TSR1: variants seen among roughly 807,000 people sequenced by gnomAD.
The protein encoded by TSR1 is pre-rRNA-processing protein TSR1 homolog.
Under a neutral mutation model 90.9 loss-of-function variants are expected in TSR1, and 81 were observed. The ratio of observed to expected loss-of-function variants is 0.89; its 90% confidence interval spans 0.74 to 1.07. The LOEUF (loss-of-function observed/expected upper bound fraction) is 1.07. TSR1 is among the 50% of genes least tolerant of loss of function. The pLI, the probability that TSR1 is intolerant of heterozygous loss-of-function variation, is 0.00. For missense variants in TSR1, 989 were observed against 987.3 expected (o/e 1.00, Z -0.02); for synonymous variants, 362 against 348.8 (o/e 1.04, Z -0.42).
chr17:2,335,835 C>A, intron 2 of TSR1, 105 bp from the exon 3 acceptor site: 1 of 1,381,552 alleles, frequency 7.2e-7, no homozygotes, highest in South Asian at 1.3e-5. Flanking sequence ...ACCAGCATCT[C>A]TCTAGTAAAA....
intron 5 of TSR1, among the ~76,000 whole-genome samples, chr17:2,334,058 C>T (rs536175637): frequency 6.6e-6 from 1 of 152,154 alleles, no homozygotes; most frequent in South Asian, 2.1e-4. Flanking sequence ...TTCTTTTATC[C>T]CTCTTCAACT....
In TSR1 at chr17:2,335,557, C is replaced by T. The variant is rs1424048557; in HGVS notation, c.375G>A (p.Leu125=). The T allele has an allele frequency of 3.7e-6, 6 of 1,613,978 alleles. No homozygotes were observed. Among genetic ancestry groups the T allele is most frequent in the African/African-American group, 1.3e-5 (1 of 74,874 alleles). The change falls in exon 3 of 15, where the codon CTG becomes CTA. Residue 125 remains leucine, a synonymous_variant. Transcript: ENST00000301364. ...ELGNTQNFML[L]CPRLKHRWFF... ...ACCACCGATGTTTCAAGCGGGGGCA[C>T]AGCAGCATAAAGTTCTGGGTGTTTC...
chr17:2,334,969 A>G, intron 4 of TSR1, 73 bp from the exon 5 acceptor site: 1 of 1,485,844 alleles, frequency 6.7e-7, no homozygotes, highest in Non-Finnish European at 9.0e-7. Flanking sequence ...GTTCACAAAC[A>G]ACCTAATAGC....
chr17:2,326,272 A>G (rs1383170761), intron 11 of TSR1, among the ~76,000 whole-genome samples: 1 of 152,116 alleles, frequency 6.6e-6, no homozygotes, highest in African/African-American at 2.4e-5. Context: ...TATCCAAAAC[A>G]CCATTAATAC....
rs1457631726 is a variant in TSR1, at chr17:2,330,614, A to G, written c.1671T>C (p.Tyr557=). The G allele has an allele frequency of 7.4e-6, 12 of 1,613,882 alleles. No homozygotes were observed. Among genetic ancestry groups the G allele is most frequent in the Non-Finnish European group, 9.3e-6 (11 of 1,179,974 alleles). ...GGACTTCAGAGACATGAAGTGTGAC[A>G]TACCAGCCAACCTGCCACAAGAAAG... is the stretch of plus-strand genomic sequence containing the variant. ...KEVEGAEVGW[Y]VTLHVSEVPV... is the part of the protein sequence containing the mutation. Residue 557 remains tyrosine, a synonymous_variant, in exon 10 of 15, where the codon TAT becomes TAC. Transcript: ENST00000301364.
In TSR1 at chr17:2,324,755, GAAC is replaced by G; in HGVS notation, c.2092_2094del (p.Val698del). On this transcript the variant is annotated inframe_deletion, in exon 13 of 15. Transcript: ENST00000301364. The stretch of plus-strand genomic sequence containing the variant: ...AAAATTTTGAAAGGATGACCACTCA[GAAC>G]AACTCTCTTGATGACCATTCTGTCT... The G allele has an allele frequency of 1.9e-6, 3 of 1,614,170 alleles. No individual in the cohort carries two copies. The highest frequency in any genetic ancestry group is 2.5e-6 in the Non-Finnish European group (3 of 1,180,030).
At chr17:2,335,846 G>C (rs1030346482) in intron 2 of TSR1, 116 bp from the exon 3 acceptor site, 2 of 1,331,760 alleles carry the variant, frequency 1.5e-6, no homozygotes, top group South Asian at 2.7e-5. Flanking sequence ...TCTAGTAAAA[G>C]ACCACAGGTA....
chr17:2,333,295 C>G, intron 6 of TSR1, 171 bp from the exon 7 acceptor site: 1 of 878,624 alleles, frequency 1.1e-6, no homozygotes, highest in Middle Eastern at 2.1e-4. Context: ...ACTAGCAATA[C>G]TTACACAGCT....
chr17:2,330,903 G>A (rs756702880), intron 9 of TSR1, 44 bp downstream of exon 9: 1 of 1,537,606 alleles, frequency 6.5e-7, no homozygotes, highest in Non-Finnish European at 8.7e-7. Context: ...GGAGCATGTT[G>A]ACAAATGAAA....
chr17:2,324,971 G>A, intron 12 of TSR1, 142 bp from the exon 13 acceptor site: 1 of 899,324 alleles, frequency 1.1e-6, no homozygotes, highest in Non-Finnish European at 1.6e-6. Flanking sequence ...TTGGTAAACT[G>A]TAAGCCCACA....
chr17:2,324,143 C>A lies in TSR1; in HGVS notation c.*53G>T. The stretch of plus-strand genomic sequence containing the variant: ...CTTTGCCCAATCACAACTTGTGCCT[C>A]CCATCCCTGGAGTACTGACTGGCAC... On this transcript the variant is annotated 3_prime_UTR_variant, in exon 15 of 15. Coordinates refer to ENST00000301364, the MANE Select transcript of TSR1 (RefSeq NM_018128.5). 6.6e-7 allele frequency: 1 copy of A among 1,507,948 alleles called. No individual in the cohort carries two copies. The highest frequency in any genetic ancestry group is 8.8e-7 in the Non-Finnish European group (1 of 1,131,918). 93.4% of individuals were successfully genotyped at this position (1,507,948 alleles called of 1,614,324 possible).
At chr17:2,325,608 C>CT (rs545314135) in intron 11 of TSR1, among the ~76,000 whole-genome samples, 188 bp from the exon 12 acceptor site, 17 of 148,200 alleles carry the variant, frequency 1.1e-4, no homozygotes, top group East Asian at 3.9e-4. Flanking sequence ...CTATCAGTAA[C>CT]TTTTTTTTTT....
Position 2,333,395 on chromosome 17 carries a change from TATA to T in TSR1, c.1141+159_1141+161del, listed in dbSNP as rs371655564. On this transcript the variant is annotated intron_variant, in intron 6 of 14. Transcript: ENST00000301364. ...TTTTGAGAAATGGAACAAGACTGTGTATAATGTTTGTTTATTGAAAACATACAG... is the reference window on the plus strand; with the variant it reads ...TTTTGAGAAATGGAACAAGACTGTGTATGTTTGTTTATTGAAAACATACAG... 3,583 of 940,320 alleles carry T rather than the reference TATA, an allele frequency of 3.8e-3. 50 individuals are homozygous for T. Among genetic ancestry groups the T allele is most frequent in the South Asian group, 0.026 (1,839 of 71,144 alleles). The allele number at this position is 940,320 out of a possible 1,614,324, so 58.2% of individuals were successfully genotyped here.
intron 10 of TSR1, chr17:2,330,210 C>T (rs1363613363): frequency 2.3e-5 from 12 of 510,818 alleles, no homozygotes; most frequent in East Asian, 5.3e-5. Context: ...CGTGAGCCGC[C>T]GCGCCCAGCC....
Position 2,324,068 on chromosome 17 carries a change from A to G in TSR1, c.*128T>C. 2 of 1,348,970 alleles carry G rather than the reference A, an allele frequency of 1.5e-6. No homozygotes were observed. Among genetic ancestry groups the G allele is most frequent in the South Asian group, 2.9e-5 (2 of 68,114 alleles). The allele number at this position is 1,348,970 out of a possible 1,614,324, so 83.6% of individuals were successfully genotyped here. A position where few individuals can be genotyped will look rare whatever the true frequency, so the allele number is the denominator to read the frequency against. On this transcript the variant is annotated 3_prime_UTR_variant, in exon 15 of 15. Coordinates refer to ENST00000301364, the MANE Select transcript of TSR1 (RefSeq NM_018128.5). ...GAGACATTTTGTCAAGGCTAAAAAA[A>G]AGTCTTGCAAAATGGGGCAGTGGAC...
At chr17:2,330,836 G>A in intron 9 of TSR1, 111 bp downstream of exon 9, 1 of 1,262,594 alleles carries the variant, frequency 7.9e-7, no homozygotes, top group South Asian at 1.5e-5. Flanking sequence ...ATGACTCAGG[G>A]GCTCCCCTAA....
Position 2,323,896 on chromosome 17 carries a change from G to C in TSR1, c.*300C>G. The C allele has an allele frequency of 2.5e-6, 4 of 1,601,602 alleles. No homozygotes were observed. The highest frequency in any genetic ancestry group is 1.7e-6 in the Non-Finnish European group (2 of 1,169,614). ...TAATTTACAGAAAAGGAAATGGTGG[G>C]AATTCAGTGTCTTTAGATACTGAAG... On this transcript the variant is annotated 3_prime_UTR_variant, in exon 15 of 15. Transcript: ENST00000301364.
intron 11 of TSR1, among the ~76,000 whole-genome samples, chr17:2,325,956 C>T (rs2075574082): frequency 6.6e-6 from 1 of 152,084 alleles, no homozygotes; most frequent in Non-Finnish European, 1.5e-5. Flanking sequence ...GATGGTGTCT[C>T]GCTCTTGTTG....
At chr17:2,324,949 C>G in intron 12 of TSR1, 120 bp from the exon 13 acceptor site, 1 of 1,171,462 alleles carries the variant, frequency 8.5e-7, no homozygotes, top group Non-Finnish European at 1.2e-6. Flanking sequence ...CTAGCCCAAT[C>G]TGAGGCTAAG....
Sources: gnomAD v4.1 joint callset for allele counts (sites outside exome capture counted in the v4.1 genomes callset) on GRCh38, gnomAD v4.1.1 for gene constraint, MANE v1.5 for transcripts, NCBI Gene and HGNC (gene_info 2026-07-23, HGNC 2026-07-21) for gene names.